Variants in CACNA1B observed in about 807,000 individuals in gnomAD.
The protein encoded by CACNA1B is calcium voltage-gated channel subunit alpha1 B.
CACNA1B carries 70 observed loss-of-function variants against 247.2 expected under a neutral mutation model. That is an observed-to-expected ratio of 0.28 (90% CI 0.23 to 0.35). CACNA1B has a LOEUF of 0.35. Among genes scored for constraint, CACNA1B ranks in the 10% least tolerant of loss-of-function variants. The probability of loss-of-function intolerance (pLI) is 1.00; values close to 1 mark genes in which losing one functional copy is unlikely to be tolerated. For missense variants in CACNA1B, 2,367 were observed against 3,197.4 expected, an observed-to-expected ratio of 0.74 and a Z score of 6.26; for synonymous variants, 1,231 against 1,294.4, an observed-to-expected ratio of 0.95 and a Z score of 1.05.
chr9:138,082,246 G>T (rs1960544129), intron 36 of CACNA1B, among the ~76,000 whole-genome samples: 1 of 151,398 alleles, frequency 6.6e-6, no homozygotes, highest in Admixed American at 6.6e-5. Flanking sequence ...TTACATTTCT[G>T]ATAAAGGGTT....
rs1959578514 is a variant in CACNA1B, at chr9:138,058,031, G to A, written c.4107-18G>A. ...TCCTTTGGGGGTTCCCCTGACACTT[G>A]CTCTCCTCTTTGCCCAGGGTGCTGA... On this transcript the variant is annotated intron_variant, in intron 27 of 46. Transcript: ENST00000371372. The surrounding 1 kb of genome is among the most constrained non-coding windows in gnomAD (Gnocchi z 4.7). The A allele has an allele frequency of 1.9e-6, 3 of 1,608,934 alleles. No homozygotes were observed. Among genetic ancestry groups the A allele is most frequent in the Non-Finnish European group, 2.6e-6 (3 of 1,175,234 alleles).
chr9:137,952,408 C>T lies in CACNA1B; in HGVS notation c.1070+31C>T. Reference sequence around the variant, plus strand: ...AGACCATGTGGGGGATGTGCAGGTGCCCCTCTGTGTTCTCAGCTGAGGGGT... The same window carrying T: ...AGACCATGTGGGGGATGTGCAGGTGTCCCTCTGTGTTCTCAGCTGAGGGGT... On this transcript the variant is annotated intron_variant, in intron 7 of 46. Transcript: ENST00000371372. The surrounding 1 kb of genome is among the most constrained non-coding windows in gnomAD (Gnocchi z 4.8). The T allele has an allele frequency of 6.4e-7, 1 of 1,569,532 alleles. No individual in the cohort carries two copies. Among genetic ancestry groups the T allele is most frequent in the Admixed American group, 1.7e-5 (1 of 59,950 alleles).
At chr9:138,083,697 T>C (rs745770455) in intron 36 of CACNA1B, among the ~76,000 whole-genome samples, 13 of 149,762 alleles carry the variant, frequency 8.7e-5, no homozygotes, top group Non-Finnish European at 1.6e-4. Context: ...CCCAGCCCCA[T>C]AGGCCAAATA....
chr9:138,070,981 G>A (rs1960113164), intron 32 of CACNA1B, among the ~76,000 whole-genome samples: 1 of 152,250 alleles, frequency 6.6e-6, no homozygotes, highest in Non-Finnish European at 1.5e-5. Context: ...CTGACACTCG[G>A]GACAAGCCCT....
chr9:137,986,629 T>C lies in CACNA1B; in HGVS notation c.1901+85T>C. The C allele has an allele frequency of 6.5e-7, 1 of 1,530,642 alleles. No individual in the cohort carries two copies. The highest frequency in any genetic ancestry group is 9.0e-7 in the Non-Finnish European group (1 of 1,108,396). 94.8% of individuals were successfully genotyped at this position (1,530,642 alleles called of 1,614,324 possible). On this transcript the variant is annotated intron_variant, in intron 14 of 46. Transcript: ENST00000371372. The surrounding 1 kb of genome is among the most constrained non-coding windows in gnomAD (Gnocchi z 6.0). ...AGCAGACGGTGCCGCCCAGGCTGCC[T>C]CCACCCACCTTCCCACCAGGAAGGT...
At chr9:138,076,518 A>AGG (rs940130258) in intron 35 of CACNA1B, among the ~76,000 whole-genome samples, 1 of 152,146 alleles carries the variant, frequency 6.6e-6, no homozygotes, top group Non-Finnish European at 1.5e-5. Context: ...CAGAACCTGG[A>AGG]GGGGCCAAGA....
At chr9:137,939,285 C>A (rs893322156) in intron 6 of CACNA1B, among the ~76,000 whole-genome samples, 12 of 152,126 alleles carry the variant, frequency 7.9e-5, no homozygotes, top group African/African-American at 2.4e-4. Flanking sequence ...GTGTATGGAA[C>A]TCTCTTCAAG....
chr9:138,049,797 GTC>G (rs1564259277), intron 24 of CACNA1B, among the ~76,000 whole-genome samples: 1 of 152,232 alleles, frequency 6.6e-6, no homozygotes, highest in African/African-American at 2.4e-5. Flanking sequence ...GGCATTAGAC[GTC>G]TCCTCTGACT....
At chr9:138,119,153 C>T (rs1318125703) in intron 44 of CACNA1B, among the ~76,000 whole-genome samples, 2 of 152,106 alleles carry the variant, frequency 1.3e-5, no homozygotes, top group African/African-American at 2.4e-5. Context: ...AAAATTTCAC[C>T]GACACCTCAG....
chr9:137,959,401 A>G (rs1957985249), intron 10 of CACNA1B, among the ~76,000 whole-genome samples: 1 of 152,176 alleles, frequency 6.6e-6, no homozygotes, highest in South Asian at 2.1e-4. Flanking sequence ...AATTTATTAT[A>G]TGATTGTGGT....
intron 13 of CACNA1B, among the ~76,000 whole-genome samples, chr9:137,985,532 G>A (rs772841655): frequency 6.1e-4 from 93 of 152,322 alleles, no homozygotes; most frequent in African/African-American, 2.1e-3. Flanking sequence ...CTTCCATCCC[G>A]TCTGCCATTA....
chr9:138,000,257 C>T (rs983047812), intron 15 of CACNA1B, among the ~76,000 whole-genome samples: 21 of 152,060 alleles, frequency 1.4e-4, no homozygotes, highest in Middle Eastern at 3.4e-3. Flanking sequence ...CGCCACTACG[C>T]CCGGCTAATT....
chr9:137,936,776 G>A (rs188763488), intron 6 of CACNA1B, among the ~76,000 whole-genome samples: 1,736 of 152,328 alleles, frequency 0.011, 20 homozygotes, highest in Non-Finnish European at 0.015. Context: ...GTTTGTCAAA[G>A]ATCAGATGGT....
intron 6 of CACNA1B, among the ~76,000 whole-genome samples, chr9:137,945,762 C>T (rs1431002053): frequency 2.0e-5 from 3 of 152,194 alleles, no homozygotes; most frequent in Non-Finnish European, 4.4e-5. Flanking sequence ...ATCTTTTTCA[C>T]GACTTACCCA....
chr9:138,023,333 G>A lies in CACNA1B; in HGVS notation c.2590G>A (p.Gly864Arg), dbSNP rs1188045415. 6.7e-7 allele frequency: 1 copy of A among 1,503,440 alleles called. No individual in the cohort carries two copies. The highest frequency in any genetic ancestry group is 1.2e-5 in the South Asian group (1 of 80,548). 93.1% of individuals were successfully genotyped at this position (1,503,440 alleles called of 1,614,324 possible). Residue 864 changes from glycine (G) to arginine (R), a missense_variant, in exon 19 of 47, where the codon GGG becomes AGG. By Grantham distance (125) the Gly-to-Arg change is moderately radical. Transcript: ENST00000371372. ...CGACAAGGACAAGACCCCCGCGGCG[G>A]GGGACCAGGACCGAGCAGAGGCCCC... ...HRDKDKTPAAGDQDRAEAPKA... is the reference protein window; with the variant it reads ...HRDKDKTPAARDQDRAEAPKA...
chr9:138,069,214 T>C (rs1429448043), intron 31 of CACNA1B, among the ~76,000 whole-genome samples: 1 of 152,254 alleles, frequency 6.6e-6, no homozygotes, highest in Non-Finnish European at 1.5e-5. Context: ...TTCATATGTT[T>C]ACTTTGTGAA....
chr9:138,066,116 G>A (rs1367332782), intron 31 of CACNA1B, among the ~76,000 whole-genome samples: 1 of 152,208 alleles, frequency 6.6e-6, no homozygotes, highest in East Asian at 1.9e-4. Flanking sequence ...AGTTGGATAA[G>A]GAAGAGATCC....
chr9:137,964,676 C>G (rs984834152), intron 10 of CACNA1B, among the ~76,000 whole-genome samples: 1 of 152,198 alleles, frequency 6.6e-6, no homozygotes, highest in Non-Finnish European at 1.5e-5. Flanking sequence ...TTATTACCCA[C>G]CTTCTGAAGC....
Position 137,984,174 on chromosome 9 carries a change from G to A in CACNA1B, c.1693G>A (p.Ala565Thr), listed in dbSNP as rs780187372. The A allele has an allele frequency of 1.9e-6, 3 of 1,603,468 alleles. No individual in the cohort carries two copies. The highest frequency in any genetic ancestry group is 2.7e-5 in the African/African-American group (2 of 74,788). The change falls in exon 13 of 47, where the codon GCC (alanine) becomes ACC (threonine). Residue 565 changes from alanine (A) to threonine (T), a missense_variant. Coordinates refer to ENST00000371372, the MANE Select transcript of CACNA1B (RefSeq NM_000718.4). ...VGSVFEVVWA[A>T]IKPGSSFGIS... ...GAGCGTCTTTGAAGTGGTCTGGGCG[G>A]CCATCAAGCCGGGAAGCTCCTTTGG...
Sources: gnomAD v4.1 joint callset for allele counts (sites outside exome capture counted in the v4.1 genomes callset) on GRCh38, gnomAD v4.1.1 for gene constraint, Gnocchi (gnomAD v3.1) non-coding constraint, MANE v1.5 for transcripts, NCBI Gene and HGNC (gene_info 2026-07-23, HGNC 2026-07-21) for gene names.